The following OR5D3 variants were observed in gnomAD, a reference collection of about 807,000 sequenced individuals.
OR5D3 encodes olfactory receptor 5D3.
the OR5D3 span, among the ~76,000 whole-genome samples, chr11:55,725,542 C>G: frequency 7.9e-5 from 12 of 152,000 alleles, no homozygotes; most frequent in African/African-American, 2.2e-4. Context: ...TTTATCACTA[C>G]AGAAACATAC....
chr11:55,727,330 A>G, the OR5D3 span: 2 of 376,210 alleles, frequency 5.3e-6, no homozygotes, highest in African/African-American at 4.2e-5. Flanking sequence ...ATCTCAGACC[A>G]TTTAAACTAA....
the OR5D3 span, chr11:55,726,140 T>G: frequency 2.5e-6 from 1 of 397,698 alleles, no homozygotes; most frequent in East Asian, 3.6e-5. Flanking sequence ...TCTCTCAATA[T>G]TTCTTCCTTT....
the OR5D3 span, chr11:55,726,518 T>C: frequency 2.3e-6 from 1 of 426,910 alleles, no homozygotes; most frequent in Non-Finnish European, 4.2e-6. Context: ...ATGCAATTCT[T>C]CTTTGCCTGT....
the OR5D3 span, chr11:55,726,524 C>T: frequency 2.8e-5 from 12 of 423,642 alleles, no homozygotes; most frequent in Admixed American, 2.0e-4. Context: ...TTCTTCTTTG[C>T]CTGTATATTT....
the OR5D3 span, chr11:55,724,051 T>C: frequency 2.5e-6 from 1 of 397,322 alleles, no homozygotes; most frequent in Non-Finnish European, 4.4e-6. Flanking sequence ...GCCTCTGTAT[T>C]TAGGTGAGTT....
the OR5D3 span, among the ~76,000 whole-genome samples, chr11:55,725,718 A>AAGGTG: frequency 1.3e-5 from 2 of 152,072 alleles, no homozygotes; most frequent in African/African-American, 4.8e-5. Flanking sequence ...AGGAATGAGA[A>AAGGTG]AGGTGTTAAA....
At chr11:55,723,779 T>TTTG in the OR5D3 span, 1 of 327,144 alleles carries the variant, frequency 3.1e-6, no homozygotes, top group Non-Finnish European at 5.5e-6. Context: ...AGTCACGAGG[T>TTTG]CCCCAAGGCC....
the OR5D3 span, chr11:55,726,468 G>A: frequency 2.2e-6 from 1 of 458,980 alleles, no homozygotes; most frequent in Non-Finnish European, 4.0e-6. Flanking sequence ...TGGAGAACTT[G>A]GTTGTGGAAG....
chr11:55,724,652 A>G, the OR5D3 span, among the ~76,000 whole-genome samples: 1 of 152,124 alleles, frequency 6.6e-6, no homozygotes, highest in Non-Finnish European at 1.5e-5. Flanking sequence ...TCCAGTCTGC[A>G]CAATGCAGTT....
At chr11:55,725,279 G>A in the OR5D3 span, among the ~76,000 whole-genome samples, 1 of 152,066 alleles carries the variant, frequency 6.6e-6, no homozygotes, top group African/African-American at 2.4e-5. Flanking sequence ...TTACCATTGA[G>A]GAAATGCCTT....
chr11:55,725,303 A>G, the OR5D3 span, among the ~76,000 whole-genome samples: 1 of 152,064 alleles, frequency 6.6e-6, no homozygotes, highest in Non-Finnish European at 1.5e-5. Context: ...GCATCAAGGC[A>G]TATTGAAAGA....
chr11:55,725,769 G>T, the OR5D3 span, among the ~76,000 whole-genome samples: 15,486 of 151,950 alleles, frequency 0.1, 957 homozygotes, highest in African/African-American at 0.16. Flanking sequence ...CCATTTTACA[G>T]GAATGTTAAC....
the OR5D3 span, among the ~76,000 whole-genome samples, chr11:55,725,300 G>A: frequency 6.6e-6 from 1 of 151,940 alleles, no homozygotes; most frequent in Admixed American, 6.6e-5. Context: ...GTGGCATCAA[G>A]GCATATTGAA....
chr11:55,728,627 C>T, the OR5D3 span: 1 of 151,998 alleles, frequency 6.6e-6, no homozygotes, highest in Non-Finnish European at 1.5e-5. Flanking sequence ...GTTGAAGGTC[C>T]AATCCAAGCT....
At chr11:55,725,973 G>A in the OR5D3 span, among the ~76,000 whole-genome samples, 16 of 151,990 alleles carry the variant, frequency 1.1e-4, no homozygotes, top group African/African-American at 3.6e-4. Context: ...GGTATACCCT[G>A]TTTTGTTTTT....
chr11:55,726,671 T>G, the OR5D3 span: 1 of 399,842 alleles, frequency 2.5e-6, no homozygotes, highest in Non-Finnish European at 4.4e-6. Flanking sequence ...TCTTGGAGTT[T>G]AGTTTGTTCC....
At chr11:55,726,368 AC>A in the OR5D3 span, 2 of 470,756 alleles carry the variant, frequency 4.2e-6, no homozygotes. Context: ...ATCAGGATCA[AC>A]CCCAAACTCC....
At chr11:55,726,114 A>T in the OR5D3 span, 1 of 397,188 alleles carries the variant, frequency 2.5e-6, no homozygotes, top group Non-Finnish European at 4.4e-6. Context: ...AACACTCTTA[A>T]TAAAGACCCA....
the OR5D3 span, chr11:55,727,077 G>T: frequency 4.9e-6 from 2 of 404,176 alleles, no homozygotes; most frequent in Non-Finnish European, 8.8e-6. Context: ...TGAACCCCTT[G>T]ATCTATAGCC....
Sources: allele counts gnomAD v4.1 joint callset (sites outside exome capture counted in the v4.1 genomes callset), GRCh38; gene constraint gnomAD v4.1.1; transcripts MANE v1.5; gene names NCBI Gene and HGNC (gene_info 2026-07-23, HGNC 2026-07-21).